Variants in ADARB2 observed in about 807,000 individuals in gnomAD.
ADARB2 encodes inactive double-stranded RNA-specific editase B2.
In ADARB2, 25 loss-of-function variants were observed where a neutral mutation model predicts 62.2. That is an observed-to-expected ratio of 0.40 (90% confidence interval 0.29 to 0.56). ADARB2 has a LOEUF of 0.56. Ranked by LOEUF, ADARB2 falls within the 20% of genes least tolerant of loss-of-function variation. The pLI, the probability that ADARB2 is intolerant of heterozygous loss-of-function variation, is 0.43. For synonymous variants in ADARB2, 572 were observed against 500.8 expected (o/e 1.14, Z -1.90); for missense variants, 1,071 against 1,077.4 (o/e 0.99, Z 0.08).
chr10:1,278,697 A>T (rs1052434213), intron 3 of ADARB2, among the ~76,000 whole-genome samples: 3 of 151,200 alleles, frequency 2.0e-5, no homozygotes, highest in Middle Eastern at 3.4e-3. Context: ...AAGGTTTCCT[A>T]TTCCCCTGTT....
intron 2 of ADARB2, among the ~76,000 whole-genome samples, chr10:1,377,456 G>A (rs907367632): frequency 2.9e-5 from 4 of 136,410 alleles, no homozygotes; most frequent in African/African-American, 1.1e-4. Flanking sequence ...GTGCATATGT[G>A]TGTGTGTGCT....
At chr10:1,689,526 G>A (rs1393162640) in intron 1 of ADARB2, among the ~76,000 whole-genome samples, 1 of 152,132 alleles carries the variant, frequency 6.6e-6, no homozygotes, top group African/African-American at 2.4e-5. Flanking sequence ...GTATTCATGC[G>A]ATATTTGAAT....
intron 7 of ADARB2, among the ~76,000 whole-genome samples, chr10:1,210,190 A>G (rs1007349801): frequency 3.9e-5 from 6 of 152,220 alleles, no homozygotes; most frequent in African/African-American, 1.2e-4. Flanking sequence ...TCAAAGGGAA[A>G]TTGCAAAGAG....
intron 1 of ADARB2, among the ~76,000 whole-genome samples, chr10:1,488,590 A>T (rs886588498): frequency 3.3e-5 from 5 of 152,162 alleles, no homozygotes; most frequent in Non-Finnish European, 7.3e-5. Context: ...ATCAATGATC[A>T]ATGATCAATG....
intron 1 of ADARB2, among the ~76,000 whole-genome samples, chr10:1,483,606 T>A (rs903809008): frequency 9.2e-5 from 14 of 152,320 alleles, no homozygotes; most frequent in Admixed American, 9.1e-4. Context: ...AGAGTATTAT[T>A]TTTCTGGTCT....
At chr10:1,568,560 A>AGAAG (rs1832888544) in intron 1 of ADARB2, among the ~76,000 whole-genome samples, 1 of 151,252 alleles carries the variant, frequency 6.6e-6, no homozygotes, top group South Asian at 2.1e-4. Flanking sequence ...AAGAAAGAAA[A>AGAAG]GAAGGAAGGA....
At chr10:1,454,161 A>AG (rs1182772934) in intron 1 of ADARB2, among the ~76,000 whole-genome samples, 1 of 152,196 alleles carries the variant, frequency 6.6e-6, no homozygotes, top group Non-Finnish European at 1.5e-5. Context: ...GAGCGTGTGC[A>AG]GGGGAACTGC....
intron 1 of ADARB2, among the ~76,000 whole-genome samples, chr10:1,570,761 G>T (rs542980786): frequency 3.1e-4 from 47 of 152,308 alleles, no homozygotes; most frequent in African/African-American, 1.1e-3. Context: ...GTGGCTGGGA[G>T]GACGGGGCAG....
chr10:1,487,048 G>A (rs1445445275), intron 1 of ADARB2, among the ~76,000 whole-genome samples: 2 of 152,222 alleles, frequency 1.3e-5, no homozygotes, highest in Non-Finnish European at 2.9e-5. Flanking sequence ...GAAAGTCGTG[G>A]AGCCCTGGGC....
intron 1 of ADARB2, among the ~76,000 whole-genome samples, chr10:1,457,834 C>A (rs1205604582): frequency 7.6e-6 from 1 of 131,652 alleles, no homozygotes; most frequent in Non-Finnish European, 1.7e-5. Flanking sequence ...ACCAGCTCGT[C>A]TTCATAGGTA....
At chr10:1,269,734 G>A (rs1262478417) in intron 4 of ADARB2, among the ~76,000 whole-genome samples, 1 of 152,178 alleles carries the variant, frequency 6.6e-6, no homozygotes, top group East Asian at 1.9e-4. Flanking sequence ...CTTCCTCACA[G>A]CCCCGTGGGC....
intron 8 of ADARB2, among the ~76,000 whole-genome samples, chr10:1,186,343 C>T (rs1034961127): frequency 6.6e-6 from 1 of 152,202 alleles, no homozygotes; most frequent in African/African-American, 2.4e-5. Context: ...CTCAGAGTCT[C>T]ATAGGAAGAT....
chr10:1,653,531 A>C (rs199771726), intron 1 of ADARB2, among the ~76,000 whole-genome samples: 4,963 of 123,684 alleles, frequency 0.04, 121 homozygotes, highest in African/African-American at 0.079. Context: ...AGTCTCCACC[A>C]GACGCCTCGT....
chr10:1,285,604 T>G (rs1289522143), intron 3 of ADARB2, among the ~76,000 whole-genome samples: 1 of 152,212 alleles, frequency 6.6e-6, no homozygotes, highest in African/African-American at 2.4e-5. Context: ...TGATGAGCTG[T>G]GCATTCCCGT....
At chr10:1,504,598 A>G (rs895918836) in intron 1 of ADARB2, among the ~76,000 whole-genome samples, 3 of 152,166 alleles carry the variant, frequency 2.0e-5, no homozygotes, top group African/African-American at 4.8e-5. Context: ...GTGGTGGTGA[A>G]ATATTGTGGA....
intron 1 of ADARB2, among the ~76,000 whole-genome samples, chr10:1,685,657 G>T (rs906658130): frequency 6.6e-6 from 1 of 152,170 alleles, no homozygotes; most frequent in African/African-American, 2.4e-5. Flanking sequence ...TTCTCACTTT[G>T]CATACAGCAC....
intron 1 of ADARB2, among the ~76,000 whole-genome samples, chr10:1,653,567 C>CAGACGCCTCGTGTGCCTGCAGAG: frequency 7.1e-6 from 1 of 140,000 alleles, no homozygotes; most frequent in South Asian, 2.2e-4. Flanking sequence ...CAGTCTCCAC[C>CAGACGCCTCGTGTGCCTGCAGAG]CCACGCCTCA....
chr10:1,403,646 G>A (rs959577970), intron 1 of ADARB2, among the ~76,000 whole-genome samples: 1 of 152,134 alleles, frequency 6.6e-6, no homozygotes, highest in Non-Finnish European at 1.5e-5. Context: ...GGAGGGCACC[G>A]TGGCCCCGGG....
chr10:1,586,631 C>A (rs189899965), intron 1 of ADARB2, among the ~76,000 whole-genome samples: 44 of 152,274 alleles, frequency 2.9e-4, no homozygotes, highest in African/African-American at 1.0e-3. Context: ...ACACCTTTTT[C>A]TTTCAAGTAA....
Sources: allele counts gnomAD v4.1 joint callset (sites outside exome capture counted in the v4.1 genomes callset), GRCh38; gene constraint gnomAD v4.1.1; transcripts MANE v1.5; gene names NCBI Gene and HGNC (gene_info 2026-07-23, HGNC 2026-07-21).